Variants in SYNJ2 observed in about 807,000 individuals in gnomAD.
SYNJ2 encodes synaptojanin 2.
A neutral mutation model predicts 141.3 loss-of-function variants in SYNJ2; 116 were observed. That is an observed-to-expected ratio of 0.82 (90% CI 0.71 to 0.96). SYNJ2 has a LOEUF of 0.96. Ranked by LOEUF, SYNJ2 falls within the 40% of genes least tolerant of loss-of-function variation. The pLI, the probability that SYNJ2 is intolerant of heterozygous loss-of-function variation, is 0.00. For synonymous variants in SYNJ2, 745 were observed against 777.7 expected (o/e 0.96, Z 0.70); for missense variants, 1,873 against 1,934.8 (o/e 0.97, Z 0.60).
intron 26 of SYNJ2, among the ~76,000 whole-genome samples, chr6:158,095,136 G>A (rs1339936955): frequency 1.3e-5 from 2 of 149,826 alleles, no homozygotes; most frequent in African/African-American, 2.5e-5. Context: ...GGGACAGGGC[G>A]AGACTCCTTC....
intron 1 of SYNJ2, among the ~76,000 whole-genome samples, chr6:158,005,302 C>T (rs1039573118): frequency 2.6e-5 from 4 of 152,136 alleles, no homozygotes; most frequent in African/African-American, 9.7e-5. Flanking sequence ...TGGTCTCAAT[C>T]TCCTGACCTC....
intron 1 of SYNJ2, among the ~76,000 whole-genome samples, chr6:157,992,847 G>A (rs9459059): frequency 0.29 from 43,539 of 152,014 alleles, 8,151 homozygotes; most frequent in African/African-American, 0.53. Flanking sequence ...TCATCTGTTG[G>A]TGGACACTGA....
At chr6:158,046,717 G>A (rs946764631) in intron 5 of SYNJ2, among the ~76,000 whole-genome samples, 6 of 152,286 alleles carry the variant, frequency 3.9e-5, no homozygotes, top group Non-Finnish European at 4.4e-5. Flanking sequence ...TCTAGCAGCC[G>A]TGTACCTTTA....
intron 1 of SYNJ2, among the ~76,000 whole-genome samples, chr6:158,015,001 T>A (rs2128326602): frequency 6.6e-6 from 1 of 152,274 alleles, no homozygotes; most frequent in African/African-American, 2.4e-5. Flanking sequence ...GGAAATCAAA[T>A]GTGTCCTGGA....
intron 1 of SYNJ2, among the ~76,000 whole-genome samples, chr6:157,993,054 A>C (rs909524208): frequency 3.3e-5 from 5 of 152,248 alleles, no homozygotes; most frequent in Non-Finnish European, 5.9e-5. Context: ...CATATAGTAC[A>C]TATAGTACAT....
At chr6:157,989,131 A>G (rs1473678685) in intron 1 of SYNJ2, among the ~76,000 whole-genome samples, 4 of 152,172 alleles carry the variant, frequency 2.6e-5, no homozygotes, top group Non-Finnish European at 4.4e-5. Context: ...TTTTGCTTCA[A>G]GGATGTTTAT....
Position 157,982,037 on chromosome 6 carries a change from C to G in SYNJ2, c.76C>G (p.Arg26Gly), listed in dbSNP as rs760101780. The G allele has an allele frequency of 4.1e-5, 55 of 1,333,674 alleles. No individual in the cohort carries two copies. Among genetic ancestry groups the G allele is most frequent in the Non-Finnish European group, 5.3e-5 (55 of 1,045,362 alleles). 82.6% of individuals were successfully genotyped at this position (1,333,674 alleles called of 1,614,324 possible). The change falls in exon 1 of 27, where the codon CGC (arginine) becomes GGC (glycine). Residue 26 changes from arginine to glycine, a missense_variant. Coordinates refer to ENST00000355585, the MANE Select transcript of SYNJ2 (RefSeq NM_003898.4). This position sits in a 1 kb window ranked among gnomAD's most constrained non-coding sequence, Gnocchi z 4.0. ...GGACTGTAGCGTGCTGCTGGAGGCGCGCGGCCGCGACGACTGCCTGCTGTT... is the reference window on the plus strand; with the variant it reads ...GGACTGTAGCGTGCTGCTGGAGGCGGGCGGCCGCGACGACTGCCTGCTGTT... The part of the protein sequence containing the change: ...EGDCSVLLEA[R>G]GRDDCLLFEA...
At chr6:158,088,031 G>T (rs1583509693) in intron 23 of SYNJ2, among the ~76,000 whole-genome samples, 1 of 44,496 alleles carries the variant, frequency 2.2e-5, no homozygotes, top group East Asian at 1.1e-3. Flanking sequence ...CCCCTGCTTT[G>T]GAATTTTTTT....
In SYNJ2 at chr6:158,084,297, C is replaced by T; in HGVS notation, c.3208+123C>T. ...AGTATGCAGGTCCCAGGAGAGACCT[C>T]AACCAGGCAGGCCAAGCGAGGGGTA... On this transcript the variant is annotated intron_variant, in intron 22 of 26. Transcript: ENST00000355585. This position sits in a 1 kb window ranked among gnomAD's most constrained non-coding sequence, Gnocchi z 5.0. 8.6e-7 allele frequency: 1 copy of T among 1,168,674 alleles called. No individual in the cohort carries two copies. The highest frequency in any genetic ancestry group is 1.2e-6 in the Non-Finnish European group (1 of 836,616). The allele number at this position is 1,168,674 out of a possible 1,614,324, so 72.4% of individuals were successfully genotyped here.
At position 158,059,281 on chromosome 6, in the gene SYNJ2, G is replaced by A. The variant is rs1213024117; in HGVS notation, c.882G>A (p.Gln294=). The A allele has an allele frequency of 3.2e-6, 5 of 1,550,288 alleles. No homozygotes were observed. The highest frequency in any genetic ancestry group is 4.4e-6 in the Non-Finnish European group (5 of 1,146,794). ...FDRHMVLLKE[Q]YGQQVVVNLL... is the part of the protein sequence containing the mutation. ...GGCACATGGTGCTTCTGAAGGAGCA[G>A]TACGGGCAGCAGGTGGTCGTGAACC... is the stretch of plus-strand genomic sequence containing the variant. The change falls in exon 7 of 27, where the codon CAG becomes CAA. Residue 294 remains glutamine, a synonymous_variant. Transcript: ENST00000355585.
At chr6:158,034,075 A>G (rs1779514739) in intron 4 of SYNJ2, among the ~76,000 whole-genome samples, 1 of 152,138 alleles carries the variant, frequency 6.6e-6, no homozygotes, top group Non-Finnish European at 1.5e-5. Context: ...GAAAGAAGAA[A>G]CCATTATTTT....
Position 158,033,665 on chromosome 6 carries a change from C to A in SYNJ2, c.696C>A (p.Phe232Leu), listed in dbSNP as rs778933903. 6.2e-7 allele frequency: 1 copy of A among 1,609,952 alleles called. No individual in the cohort carries two copies. The highest frequency in any genetic ancestry group is 8.5e-7 in the Non-Finnish European group (1 of 1,179,304). The change falls in exon 4 of 27, where the codon TTC becomes TTA. Residue 232 changes from phenylalanine to leucine, a missense_variant. Phe to Leu is a conservative substitution (Grantham distance 22). Transcript: ENST00000355585. The part of the protein sequence containing the change: ...GVNDDGHVSN[F>L]VETEQMIYMD... ...ACGACGACGGCCATGTGTCCAACTT[C>A]GTGGAGACAGAGCAGGTGAGTGCCC...
chr6:158,066,322 C>T (rs1041017422), intron 11 of SYNJ2, 122 bp from the exon 12 acceptor site: 23 of 1,127,502 alleles, frequency 2.0e-5, no homozygotes, highest in Non-Finnish European at 2.6e-5. Flanking sequence ...AGGAGCATAC[C>T]CTGGTTTATC....
chr6:158,075,556 G>A (rs13191795), intron 16 of SYNJ2, among the ~76,000 whole-genome samples: 25,294 of 151,356 alleles, frequency 0.17, 2,755 homozygotes, highest in Admixed American at 0.34. Context: ...CAGGAGAATC[G>A]CTTGAACCTG....
intron 1 of SYNJ2, among the ~76,000 whole-genome samples, chr6:158,013,493 C>T (rs2128325945): frequency 6.6e-6 from 1 of 152,286 alleles, no homozygotes; most frequent in Admixed American, 6.5e-5. Flanking sequence ...GGTGAAGAGC[C>T]CTTGTACAGA....
At chr6:158,053,442 G>A (rs185777699) in intron 5 of SYNJ2, among the ~76,000 whole-genome samples, 10 of 152,226 alleles carry the variant, frequency 6.6e-5, no homozygotes, top group Non-Finnish European at 1.2e-4. Context: ...ATTTTTAAAT[G>A]ATTTCCTCCA....
chr6:157,981,875 A>T lies in SYNJ2; in HGVS notation c.-87A>T. On this transcript the variant is annotated 5_prime_UTR_variant, in exon 1 of 27. In the 5' UTR this introduces an upstream ATG that the reference lacks. Coordinates refer to ENST00000355585, the MANE Select transcript of SYNJ2 (RefSeq NM_003898.4). The surrounding 1 kb of genome is among the most constrained non-coding windows in gnomAD (Gnocchi z 6.4). ...GGCGGCGCAAAGTGAAACTCTGGCAAGTTGCGGGCGCGCGGGGAGCTGTCG... is the reference window on the plus strand; with the variant it reads ...GGCGGCGCAAAGTGAAACTCTGGCATGTTGCGGGCGCGCGGGGAGCTGTCG... 8.7e-7 allele frequency: 1 copy of T among 1,145,642 alleles called. No homozygotes were observed. Among genetic ancestry groups the T allele is most frequent in the East Asian group, 3.3e-5 (1 of 30,108 alleles). 71.0% of individuals were successfully genotyped at this position (1,145,642 alleles called of 1,614,324 possible). A position where few individuals can be genotyped will look rare whatever the true frequency, so the allele number is the denominator to read the frequency against.
At chr6:157,999,089 A>G (rs1366967034) in intron 1 of SYNJ2, among the ~76,000 whole-genome samples, 1 of 152,270 alleles carries the variant, frequency 6.6e-6, no homozygotes, top group Non-Finnish European at 1.5e-5. Context: ...GAACTCCTAT[A>G]GATCATGAAG....
chr6:158,088,724 T>C lies in SYNJ2; in HGVS notation c.3408T>C (p.Tyr1136=). ...TCTCCTCCGGCACCCATGGACAGTA[T>C]TCAATTTTGCAGACGGCAAGACTTC... The part of the protein sequence containing the change: ...ASISSGTHGQ[Y]SILQTARLLP... Residue 1136 remains tyrosine (Y), a synonymous_variant, in exon 24 of 27, where the codon TAT becomes TAC. Coordinates refer to ENST00000355585, the MANE Select transcript of SYNJ2 (RefSeq NM_003898.4). 6.2e-7 allele frequency: 1 copy of C among 1,614,114 alleles called. No individual in the cohort carries two copies.
Sources: allele counts gnomAD v4.1 joint callset (sites outside exome capture counted in the v4.1 genomes callset), GRCh38; gene constraint gnomAD v4.1.1; non-coding constraint Gnocchi (gnomAD v3.1); transcripts MANE v1.5; gene names NCBI Gene and HGNC (gene_info 2026-07-23, HGNC 2026-07-21).